B3GALT1: variants seen among roughly 807,000 people sequenced by gnomAD.
The protein encoded by B3GALT1 is beta-1,3-galactosyltransferase 1.
A neutral mutation model predicts 23.2 loss-of-function variants in B3GALT1; 10 were observed. That is an observed-to-expected ratio of 0.43 (90% confidence interval 0.27 to 0.73). The LOEUF (loss-of-function observed/expected upper bound fraction) is 0.73, where lower values mean the gene tolerates loss of function less well. B3GALT1 is among the 30% of genes least tolerant of loss of function. The probability of loss-of-function intolerance (pLI) is 0.21; values close to 1 mark genes in which losing one functional copy is unlikely to be tolerated. For missense variants in B3GALT1, 299 were observed against 405.4 expected, an observed-to-expected ratio of 0.74 and a Z score of 2.25; for synonymous variants, 156 against 141.5, an observed-to-expected ratio of 1.10 and a Z score of -0.73.
At chr2:167,422,226 C>T (rs1043534654) in intron 1 of B3GALT1, among the ~76,000 whole-genome samples, 9 of 151,934 alleles carry the variant, frequency 5.9e-5, no homozygotes, top group Admixed American at 2.0e-4. Context: ...CTCCCCCGCC[C>T]GCCCTTCCCG....
chr2:167,728,371 C>T (rs1437054972), intron 3 of B3GALT1, among the ~76,000 whole-genome samples: 5 of 151,950 alleles, frequency 3.3e-5, no homozygotes, highest in African/African-American at 9.7e-5. Context: ...TGGGTGACAG[C>T]GTGAGACTCC....
In B3GALT1 at chr2:167,639,910, A is replaced by G. The variant is rs375504907; in HGVS notation, c.-409-6999A>G. Among the ~76,000 whole-genome samples the G allele has an allele frequency of 9.2e-5, 14 of 152,300 alleles. No homozygotes were observed. In the East Asian group the frequency reaches 2.7e-3, roughly 29 times the overall value. On this transcript the variant is annotated intron_variant, in intron 2 of 4. Coordinates refer to ENST00000392690, the MANE Select transcript of B3GALT1 (RefSeq NM_020981.4). ...AATCCCAAAGACCCTACCAGGAGGA[A>G]TGATGTCACTTGTGAAAGTGGATCA...
At chr2:167,735,670 C>T (rs1457175853) in intron 3 of B3GALT1, among the ~76,000 whole-genome samples, 1 of 152,054 alleles carries the variant, frequency 6.6e-6, no homozygotes, top group African/African-American at 2.4e-5. Flanking sequence ...GGGTGGAGGA[C>T]AGGAAGGAAA....
At chr2:167,640,965 G>A (rs970143148) in intron 2 of B3GALT1, among the ~76,000 whole-genome samples, 7 of 152,030 alleles carry the variant, frequency 4.6e-5, no homozygotes, top group Non-Finnish European at 8.8e-5. Context: ...TCCTTGGGAC[G>A]TTATACTTGA....
chr2:167,862,084 A>G (rs1462050303), intron 4 of B3GALT1, among the ~76,000 whole-genome samples: 2 of 152,208 alleles, frequency 1.3e-5, no homozygotes, highest in Non-Finnish European at 2.9e-5. Context: ...ATAAGAAATC[A>G]GTGTTGACTT....
At chr2:167,599,574 G>A (rs1684837895) in intron 2 of B3GALT1, among the ~76,000 whole-genome samples, 1 of 152,156 alleles carries the variant, frequency 6.6e-6, no homozygotes, top group African/African-American at 2.4e-5. Flanking sequence ...ATTTTTGTGG[G>A]CGTTTTCTTC....
intron 1 of B3GALT1, among the ~76,000 whole-genome samples, chr2:167,474,824 C>T (rs1251290221): frequency 6.6e-6 from 1 of 152,120 alleles, no homozygotes; most frequent in Non-Finnish European, 1.5e-5. Context: ...GTAAATTATT[C>T]AAGGTGTAGT....
intron 2 of B3GALT1, among the ~76,000 whole-genome samples, chr2:167,575,194 T>A (rs773621265): frequency 6.6e-6 from 1 of 151,796 alleles, no homozygotes; most frequent in South Asian, 2.1e-4. Flanking sequence ...CTGAACACAG[T>A]AATGGCTAAA....
chr2:167,324,286 A>T (rs1696856666), intron 1 of B3GALT1, among the ~76,000 whole-genome samples: 1 of 151,938 alleles, frequency 6.6e-6, no homozygotes, highest in South Asian at 2.1e-4. Flanking sequence ...AATTTATAAT[A>T]ATATTTATTT....
At chr2:167,632,713 C>G (rs1462262284) in intron 2 of B3GALT1, among the ~76,000 whole-genome samples, 3 of 151,656 alleles carry the variant, frequency 2.0e-5, no homozygotes, top group Non-Finnish European at 4.4e-5. Flanking sequence ...GTGAGATGGA[C>G]AGATTGCAAA....
intron 1 of B3GALT1, among the ~76,000 whole-genome samples, chr2:167,469,230 C>T (rs928762802): frequency 3.3e-5 from 5 of 152,154 alleles, no homozygotes; most frequent in African/African-American, 9.7e-5. Context: ...AACCCTATGC[C>T]ACCTCTTGCT....
chr2:167,376,682 T>C (rs1272490803), intron 1 of B3GALT1, among the ~76,000 whole-genome samples: 2 of 152,182 alleles, frequency 1.3e-5, no homozygotes, highest in Non-Finnish European at 2.9e-5. Context: ...AGATTCGTTG[T>C]AATATCACCT....
At chr2:167,486,357 CAAA>C (rs56092916) in intron 1 of B3GALT1, among the ~76,000 whole-genome samples, 6 of 113,404 alleles carry the variant, frequency 5.3e-5, no homozygotes, top group Non-Finnish European at 3.9e-5. Context: ...GACTCTGTCT[CAAA>C]AAAAAAAAAA....
intron 3 of B3GALT1, among the ~76,000 whole-genome samples, chr2:167,754,355 G>A (rs1687782711): frequency 6.6e-6 from 1 of 152,190 alleles, no homozygotes; most frequent in Non-Finnish European, 1.5e-5. Flanking sequence ...CACCTGGGGA[G>A]TTTATTTAAA....
At chr2:167,326,810 C>T (rs556625628) in intron 1 of B3GALT1, among the ~76,000 whole-genome samples, 4 of 152,180 alleles carry the variant, frequency 2.6e-5, no homozygotes, top group African/African-American at 9.6e-5. Flanking sequence ...ATGCCTCAGC[C>T]TCCTGAGTAG....
intron 4 of B3GALT1, among the ~76,000 whole-genome samples, chr2:167,865,672 G>C (rs1405547880): frequency 6.6e-6 from 1 of 151,874 alleles, no homozygotes; most frequent in Admixed American, 6.6e-5. Flanking sequence ...GGTGCCTGTA[G>C]TCCCAGCTAC....
chr2:167,444,749 T>G (rs1698953560), intron 1 of B3GALT1, among the ~76,000 whole-genome samples: 1 of 152,210 alleles, frequency 6.6e-6, no homozygotes, highest in African/African-American at 2.4e-5. Context: ...TATTTGATTC[T>G]TCTCCCTTTT....
At chr2:167,428,933 A>C (rs1415691095) in intron 1 of B3GALT1, among the ~76,000 whole-genome samples, 2 of 152,124 alleles carry the variant, frequency 1.3e-5, no homozygotes, top group Non-Finnish European at 2.9e-5. Flanking sequence ...ATACCATCTT[A>C]TTCTAAAGGG....
chr2:167,625,978 T>C (rs1685335139), intron 2 of B3GALT1, among the ~76,000 whole-genome samples: 2 of 91,054 alleles, frequency 2.2e-5, no homozygotes, highest in Admixed American at 1.2e-4. Flanking sequence ...TATATATATA[T>C]ATATATATGA....
Sources: allele counts gnomAD v4.1 joint callset (sites outside exome capture counted in the v4.1 genomes callset), GRCh38; gene constraint gnomAD v4.1.1; transcripts MANE v1.5; gene names NCBI Gene and HGNC (gene_info 2026-07-23, HGNC 2026-07-21).